PITPNM2: variants seen among roughly 807,000 people sequenced by gnomAD.
PITPNM2 encodes the protein phosphatidylinositol transfer protein membrane associated 2.
A neutral mutation model predicts 132.2 loss-of-function variants in PITPNM2; 35 were observed. The ratio of observed to expected loss-of-function variants is 0.26; its 90% confidence interval spans 0.20 to 0.35. PITPNM2 has a LOEUF of 0.35. Among genes scored for constraint, PITPNM2 ranks in the 10% least tolerant of loss-of-function variants. The pLI is 1.00. For synonymous variants in PITPNM2, 738 were observed against 799.2 expected (o/e 0.92, Z 1.29); for missense variants, 1,332 against 1,912.0 (o/e 0.70, Z 5.66).
At chr12:123,042,786 G>A (rs959193117) in intron 2 of PITPNM2, among the ~76,000 whole-genome samples, 6 of 152,158 alleles carry the variant, frequency 3.9e-5, no homozygotes, top group African/African-American at 1.2e-4. Flanking sequence ...CTCTCCAGAT[G>A]CAGCCAGACA....
At chr12:123,107,595 C>A (rs934843191) in intron 2 of PITPNM2, among the ~76,000 whole-genome samples, 2 of 152,216 alleles carry the variant, frequency 1.3e-5, no homozygotes, top group Admixed American at 6.5e-5. Context: ...AAGGAAAGAT[C>A]TCGTTCTTAG....
In PITPNM2 at chr12:122,986,790, C is replaced by G. The variant is rs746076618; in HGVS notation, c.3453G>C (p.Thr1151=). 6.2e-7 allele frequency: 1 copy of G among 1,613,262 alleles called. No individual in the cohort carries two copies. ...QDLGYLIIYV[T]GRPDMQKQRV... ...GCTGCTTCTGCATGTCGGGCCGGCCCGTCACGTAGATGATGAGGTAGCCCA... is the reference window on the plus strand; with the variant it reads ...GCTGCTTCTGCATGTCGGGCCGGCCGGTCACGTAGATGATGAGGTAGCCCA... Residue 1151 remains threonine, a synonymous_variant, in exon 24 of 26, where the codon ACG becomes ACC. Transcript: ENST00000320201.
chr12:123,010,366 G>A (rs2039135729), intron 5 of PITPNM2, among the ~76,000 whole-genome samples: 1 of 152,170 alleles, frequency 6.6e-6, no homozygotes, highest in African/African-American at 2.4e-5. Context: ...TTACAGGTAT[G>A]AGCCAACGAG....
At chr12:123,071,534 C>T (rs1422880822) in intron 2 of PITPNM2, among the ~76,000 whole-genome samples, 1 of 152,236 alleles carries the variant, frequency 6.6e-6, no homozygotes, top group African/African-American at 2.4e-5. Flanking sequence ...GATCACACCT[C>T]CTGACAGAAA....
chr12:123,090,962 C>T (rs1450392287), intron 2 of PITPNM2: 2 of 152,278 alleles, frequency 1.3e-5, no homozygotes, highest in African/African-American at 4.8e-5. Context: ...CTTGTCCAGC[C>T]TCCTTGGGGC....
chr12:123,151,276 G>T (rs1222675691), upstream of PITPNM2, among the ~76,000 whole-genome samples: 1 of 150,898 alleles, frequency 6.6e-6, no homozygotes, highest in Non-Finnish European at 1.5e-5. Flanking sequence ...GACCTGCCGC[G>T]GCGACCCCGC....
intron 1 of PITPNM2, among the ~76,000 whole-genome samples, chr12:123,148,800 G>C (rs1446058301): frequency 1.3e-5 from 2 of 152,162 alleles, no homozygotes; most frequent in Non-Finnish European, 1.5e-5. Context: ...CGTGTAAACA[G>C]ATAAGGGCCA....
chr12:123,000,388 G>A lies in PITPNM2; in HGVS notation c.1224+390C>T, dbSNP rs748082296. 1.4e-6 allele frequency: 1 copy of A among 702,500 alleles called. No individual in the cohort carries two copies. The highest frequency in any genetic ancestry group is 1.5e-5 in the South Asian group (1 of 67,580). The allele number at this position is 702,500 out of a possible 1,614,324, so 43.5% of individuals were successfully genotyped here. A position where few individuals can be genotyped will look rare whatever the true frequency, so the allele number is the denominator to read the frequency against. ...TGTCGGCCACGGCCACATCACTTCT[G>A]CCTAGACGACTGTCGCTTCCTCCCT... On this transcript the variant is annotated intron_variant, in intron 10 of 25. Coordinates refer to ENST00000320201, the MANE Select transcript of PITPNM2 (RefSeq NM_020845.3). This position sits in a 1 kb window ranked among gnomAD's most constrained non-coding sequence, Gnocchi z 5.4.
intron 3 of PITPNM2, among the ~76,000 whole-genome samples, chr12:123,015,355 A>G (rs762097201): frequency 1.3e-5 from 2 of 152,254 alleles, no homozygotes; most frequent in Non-Finnish European, 2.9e-5. Context: ...ATCAACAGAC[A>G]GACAGACAGA....
chr12:123,129,339 C>T (rs979557861), intron 1 of PITPNM2, among the ~76,000 whole-genome samples: 7 of 152,070 alleles, frequency 4.6e-5, no homozygotes, highest in East Asian at 3.9e-4. Flanking sequence ...GAGGCCGAGG[C>T]GGGCGGATCA....
intron 10 of PITPNM2, 66 bp from the exon 11 acceptor site, chr12:122,997,638 C>T (rs2038488876): frequency 1.3e-6 from 2 of 1,567,540 alleles, no homozygotes; most frequent in Non-Finnish European, 8.7e-7. Flanking sequence ...GCCCCTCTGT[C>T]ACCCTTGTTG....
intron 8 of PITPNM2, among the ~76,000 whole-genome samples, chr12:123,001,915 C>G (rs957484281): frequency 6.6e-6 from 1 of 152,012 alleles, no homozygotes; most frequent in African/African-American, 2.4e-5. Context: ...CCTGTAGTCT[C>G]AGCTACTCGG....
Position 123,107,751 on chromosome 12 carries a change from AG to A in PITPNM2, c.-96+2633del, listed in dbSNP as rs2042752292. On this transcript the variant is annotated intron_variant, in intron 2 of 25. Coordinates refer to ENST00000320201, the MANE Select transcript of PITPNM2 (RefSeq NM_020845.3). ...CCTCACATGGGGCCTGCCATTTTCTAGGGGAGGGTTTTGGGAAAAGCAGGTG... is the reference window on the plus strand; with the variant it reads ...CCTCACATGGGGCCTGCCATTTTCTAGGGAGGGTTTTGGGAAAAGCAGGTG... Among the ~76,000 whole-genome samples, 4 of 152,236 alleles carry A rather than the reference AG, an allele frequency of 2.6e-5. No homozygotes were observed. In the South Asian group the frequency reaches 8.3e-4, roughly 32 times the overall value.
rs534506587 is a variant in PITPNM2, at chr12:123,111,742, C to T, written c.-199-1254G>A. 9.8e-5 allele frequency among the ~76,000 whole-genome samples: 15 copies of T among 152,330 alleles called. No individual in the cohort carries two copies. The highest frequency in any genetic ancestry group is 2.9e-4 in the African/African-American group (12 of 41,578). ...CTCCACGGCTGCATGTACACACCCA[C>T]ATACACACTCAACCCCCGGAACAGA... On this transcript the variant is annotated intron_variant, in intron 1 of 25. Transcript: ENST00000320201. The surrounding 1 kb of genome is among the most constrained non-coding windows in gnomAD (Gnocchi z 4.1).
intron 1 of PITPNM2, among the ~76,000 whole-genome samples, chr12:123,131,494 C>A (rs1342731849): frequency 6.6e-6 from 1 of 152,184 alleles, no homozygotes; most frequent in Non-Finnish European, 1.5e-5. Flanking sequence ...TTGTTTTAAG[C>A]CATCCAGTTG....
At position 122,996,734 on chromosome 12, in the gene PITPNM2, G is replaced by A. The variant is rs563102387; in HGVS notation, c.1649C>T (p.Thr550Ile). The A allele has an allele frequency of 6.2e-7, 1 of 1,611,622 alleles. No homozygotes were observed. Among genetic ancestry groups the A allele is most frequent in the African/African-American group, 1.3e-5 (1 of 74,940 alleles). Residue 550 changes from threonine (T) to isoleucine (I), a missense_variant, in exon 12 of 26, where the codon ACC (threonine) becomes ATC (isoleucine). This residue lies in a region of PITPNM2 where 710 missense variants were observed against 911.5 expected (regional missense o/e 0.78). Coordinates refer to ENST00000320201, the MANE Select transcript of PITPNM2 (RefSeq NM_020845.3). The part of the protein sequence containing the change: ...GDFIKSQEGM[T>I]FNGQVCLIGD... ...CCCGGGACTCACCTGCCCATTGAAG[G>A]TCATGCCCTCCTGGGACTTGATGAA...
intron 3 of PITPNM2, among the ~76,000 whole-genome samples, chr12:123,025,701 G>T (rs1431226719): frequency 6.6e-6 from 1 of 152,028 alleles, no homozygotes; most frequent in Non-Finnish European, 1.5e-5. Context: ...CAAAGTGCTG[G>T]GATTACAGGT....
intron 1 of PITPNM2, among the ~76,000 whole-genome samples, chr12:123,148,558 C>T (rs1202567922): frequency 6.6e-6 from 1 of 152,062 alleles, no homozygotes; most frequent in Admixed American, 6.6e-5. Flanking sequence ...GTTAGGAGAG[C>T]ATCTATCTGC....
rs1053240625 is a variant in PITPNM2, at chr12:123,077,837, A to G, written c.-96+32548T>C. 1.3e-5 allele frequency among the ~76,000 whole-genome samples: 2 copies of G among 151,958 alleles called. No homozygotes were observed. Among genetic ancestry groups the G allele is most frequent in the Non-Finnish European group, 2.9e-5 (2 of 67,946 alleles). On this transcript the variant is annotated intron_variant, in intron 2 of 25. Coordinates refer to ENST00000320201, the MANE Select transcript of PITPNM2 (RefSeq NM_020845.3). The surrounding 1 kb of genome is among the most constrained non-coding windows in gnomAD (Gnocchi z 4.8). ...GAGGGAAGGGGTGGGGGGACAAAGT[A>G]TCAGAGCCAGGAGGTGTGCACCACA...
Sources: allele counts gnomAD v4.1 joint callset (sites outside exome capture counted in the v4.1 genomes callset), GRCh38; gene constraint gnomAD v4.1.1; regional missense constraint gnomAD v4.1.1; non-coding constraint Gnocchi (gnomAD v3.1); transcripts MANE v1.5; gene names NCBI Gene and HGNC (gene_info 2026-07-23, HGNC 2026-07-21).